The following UCHL3 variants were observed in gnomAD, a reference collection of about 807,000 sequenced individuals.
UCHL3 encodes ubiquitin C-terminal hydrolase L3, also known as ubiquitin carboxyl-terminal hydrolase isozyme L3.
In UCHL3, 22 loss-of-function variants were observed where a neutral mutation model predicts 35.8. That is an observed-to-expected ratio of 0.61 (90% confidence interval 0.44 to 0.88). The LOEUF (loss-of-function observed/expected upper bound fraction) is 0.88. Ranked by LOEUF, UCHL3 falls within the 40% of genes least tolerant of loss-of-function variation. The pLI, the probability that UCHL3 is intolerant of heterozygous loss-of-function variation, is 0.00. For synonymous variants in UCHL3, 90 were observed against 92.8 expected, an observed-to-expected ratio of 0.97 and a Z score of 0.17; for missense variants, 229 against 276.9, an observed-to-expected ratio of 0.83 and a Z score of 1.23.
At chr13:75,580,631 T>C (rs903877334) in intron 6 of UCHL3, among the ~76,000 whole-genome samples, 2 of 152,224 alleles carry the variant, frequency 1.3e-5, no homozygotes, top group African/African-American at 4.8e-5. Context: ...CTTACTCCTT[T>C]TGAAAGTATG....
At chr13:75,552,783 T>C (rs1490382629) in intron 2 of UCHL3, among the ~76,000 whole-genome samples, 7 of 152,026 alleles carry the variant, frequency 4.6e-5, no homozygotes, top group Non-Finnish European at 1.0e-4. Context: ...ATTACAACAT[T>C]TATAGAGTGT....
At chr13:75,574,600 G>A (rs1203561668) in intron 6 of UCHL3, among the ~76,000 whole-genome samples, 1 of 152,202 alleles carries the variant, frequency 6.6e-6, no homozygotes, top group Admixed American at 6.5e-5. Flanking sequence ...TTATGGGATT[G>A]TTGTGAAGAC....
At chr13:75,573,767 G>A (rs9600498) in intron 6 of UCHL3, among the ~76,000 whole-genome samples, 6 of 152,000 alleles carry the variant, frequency 3.9e-5, no homozygotes, top group Admixed American at 3.3e-4. Flanking sequence ...ATATAGTCAC[G>A]TTGAAGGTTA....
chr13:75,567,348 CAA>C (rs757814524), intron 5 of UCHL3, 36 bp downstream of exon 5: 1 of 1,587,504 alleles, frequency 6.3e-7, no homozygotes, highest in East Asian at 2.2e-5. Flanking sequence ...CTCATGTGGG[CAA>C]AAGTTTGTGG....
At chr13:75,556,587 G>A (rs1356225686) in intron 2 of UCHL3, among the ~76,000 whole-genome samples, 1 of 152,120 alleles carries the variant, frequency 6.6e-6, no homozygotes, top group African/African-American at 2.4e-5. Context: ...CAGAGTTTTT[G>A]TTATTTGACT....
chr13:75,591,027 G>GGTTTAAT (rs752656754), intron 6 of UCHL3, among the ~76,000 whole-genome samples: 25 of 152,030 alleles, frequency 1.6e-4, no homozygotes, highest in Non-Finnish European at 3.2e-4. Context: ...TTAAAGCTTT[G>GGTTTAAT]GTGTGTGCCA....
At chr13:75,566,626 C>G in intron 3 of UCHL3, 69 bp from the exon 4 acceptor site, 1 of 999,060 alleles carries the variant, frequency 1.0e-6, no homozygotes, top group Non-Finnish European at 1.3e-6. Flanking sequence ...TGCATTTTTT[C>G]TTTTACAGAC....
At chr13:75,597,838 A>G (rs533425221) in intron 7 of UCHL3, among the ~76,000 whole-genome samples, 2 of 152,334 alleles carry the variant, frequency 1.3e-5, no homozygotes, top group East Asian at 1.9e-4. Context: ...GAATGGTGGT[A>G]GTCTTTAATG....
intron 7 of UCHL3, 105 bp downstream of exon 7, chr13:75,595,095 C>A: frequency 3.5e-6 from 3 of 853,264 alleles, no homozygotes; most frequent in Non-Finnish European, 5.2e-6. Context: ...CTTAAATTAA[C>A]TGGTTGCCTA....
intron 2 of UCHL3, among the ~76,000 whole-genome samples, chr13:75,557,986 G>A (rs1342094185): frequency 2.0e-5 from 3 of 149,908 alleles, no homozygotes. Flanking sequence ...GAAGACGTGA[G>A]TGGTAAAAGT....
At chr13:75,554,008 C>T (rs1351697480) in intron 2 of UCHL3, among the ~76,000 whole-genome samples, 1 of 152,160 alleles carries the variant, frequency 6.6e-6, no homozygotes, top group East Asian at 1.9e-4. Flanking sequence ...GCTCTGAGAC[C>T]ATGGACAGTT....
intron 6 of UCHL3, among the ~76,000 whole-genome samples, chr13:75,594,179 A>G (rs2032583110): frequency 6.6e-6 from 1 of 152,226 alleles, no homozygotes; most frequent in Admixed American, 6.5e-5. Flanking sequence ...GATATTGCTC[A>G]TGCAAATTGA....
chr13:75,549,615 A>G (rs2030996397), upstream of UCHL3: 1 of 477,642 alleles, frequency 2.1e-6, no homozygotes, highest in African/African-American at 2.0e-5. Context: ...CCTCGGCAGC[A>G]TCTTAATTTA....
chr13:75,562,155 C>T (rs1229291275), intron 3 of UCHL3, among the ~76,000 whole-genome samples: 1 of 152,022 alleles, frequency 6.6e-6, no homozygotes, highest in Non-Finnish European at 1.5e-5. Flanking sequence ...TTGCTTAGTC[C>T]TGGAAATTCC....
intron 7 of UCHL3, among the ~76,000 whole-genome samples, chr13:75,598,982 A>G (rs1357329018): frequency 6.6e-6 from 1 of 152,158 alleles, no homozygotes; most frequent in East Asian, 1.9e-4. Context: ...ATAATCCATG[A>G]TATCATGTAT....
chr13:75,597,824 C>T (rs2032683610), intron 7 of UCHL3, among the ~76,000 whole-genome samples: 1 of 152,148 alleles, frequency 6.6e-6, no homozygotes, highest in South Asian at 2.1e-4. Flanking sequence ...CTATATTTAA[C>T]AGAGAATGGT....
chr13:75,604,979 T>C, intron 8 of UCHL3, 152 bp downstream of exon 8: 1 of 534,822 alleles, frequency 1.9e-6, no homozygotes, highest in South Asian at 6.1e-5. Context: ...TATATTAGTG[T>C]TAAAAATCTA....
At chr13:75,550,918 A>G (rs916789190) in intron 2 of UCHL3, among the ~76,000 whole-genome samples, 9 of 152,234 alleles carry the variant, frequency 5.9e-5, no homozygotes, top group African/African-American at 1.9e-4. Flanking sequence ...CTTGCTCTCT[A>G]TCTTAGGGAG....
intron 6 of UCHL3, among the ~76,000 whole-genome samples, chr13:75,587,578 T>G (rs2032360661): frequency 6.6e-6 from 1 of 152,118 alleles, no homozygotes; most frequent in Non-Finnish European, 1.5e-5. Flanking sequence ...GAAAAAAAGT[T>G]ATGTAGAAAA....
Sources: allele counts gnomAD v4.1 joint callset (sites outside exome capture counted in the v4.1 genomes callset), GRCh38; gene constraint gnomAD v4.1.1; transcripts MANE v1.5; gene names NCBI Gene and HGNC (gene_info 2026-07-23, HGNC 2026-07-21).